Variants in AEBP2 observed in about 807,000 individuals in gnomAD.
AEBP2 encodes the protein zinc finger protein AEBP2.
Under a neutral mutation model 50.8 loss-of-function variants are expected in AEBP2, and 10 were observed. That is an observed-to-expected ratio of 0.20 (90% CI 0.12 to 0.33). The LOEUF is 0.33. Ranked by LOEUF, AEBP2 falls within the 10% of genes least tolerant of loss-of-function variation. AEBP2 has a pLI of 1.00. For missense variants in AEBP2, 570 were observed against 688.0 expected (o/e 0.83, Z 1.92); for synonymous variants, 296 against 261.3 (o/e 1.13, Z -1.28).
chr12:19,441,340 GGTTA>G (rs1346519605), intron 1 of AEBP2, among the ~76,000 whole-genome samples: 3 of 151,962 alleles, frequency 2.0e-5, no homozygotes, highest in Non-Finnish European at 4.4e-5. Context: ...GATCTGTTTG[GGTTA>G]GTTGGTTTTT....
chr12:19,468,926 A>G (rs1040861563), intron 2 of AEBP2, among the ~76,000 whole-genome samples: 3 of 152,128 alleles, frequency 2.0e-5, no homozygotes, highest in Non-Finnish European at 4.4e-5. Flanking sequence ...CAGTCCAAAA[A>G]TATATGTATG....
chr12:19,479,268 G>A lies in AEBP2; in HGVS notation c.987+5913G>A, dbSNP rs527858744. Among the ~76,000 whole-genome samples, 35 of 152,238 alleles carry A rather than the reference G, an allele frequency of 2.3e-4. No homozygotes were observed. The South Asian group carries it at 2.7e-3, about 12-fold the overall frequency. The stretch of plus-strand genomic sequence containing the variant: ...ACTTGTTAAGTTAATTTGTTACAGG[G>A]TGTAGTTTAAATCCATTATTTCTTT... On this transcript the variant is annotated intron_variant, in intron 3 of 7. Transcript: ENST00000266508.
upstream of AEBP2, among the ~76,000 whole-genome samples, chr12:19,439,353 G>A (rs1322018154): frequency 7.3e-6 from 1 of 136,498 alleles, no homozygotes; most frequent in African/African-American, 2.6e-5. Context: ...AGGCCCCGAG[G>A]AAACGCTGAG....
intron 1 of AEBP2, among the ~76,000 whole-genome samples, chr12:19,442,854 T>G (rs181747273): frequency 6.6e-6 from 1 of 152,168 alleles, no homozygotes; most frequent in Non-Finnish European, 1.5e-5. Context: ...CTAATTCTTA[T>G]AAATTACTGT....
intron 1 of AEBP2, among the ~76,000 whole-genome samples, chr12:19,425,057 A>G (rs1411193244): frequency 6.6e-6 from 1 of 152,116 alleles, no homozygotes; most frequent in East Asian, 1.9e-4. Context: ...CTTAAATAAG[A>G]TAGAGGTTTA....
rs1221751803 is a variant in AEBP2 at position 19,462,474 on chromosome 12, T to C, written c.672-36T>C. On this transcript the variant is annotated intron_variant, in intron 1 of 7. Transcript: ENST00000266508. Reference sequence around the variant, plus strand: ...AAGATCATATTCATGTTAGTGAATTTCTAGGAATAACACAGCCTTTTTTCT... The same window carrying C: ...AAGATCATATTCATGTTAGTGAATTCCTAGGAATAACACAGCCTTTTTTCT... 4.0e-6 allele frequency: 6 copies of C among 1,518,470 alleles called. No individual in the cohort carries two copies. The South Asian group carries it at 7.2e-5, about 18-fold the overall frequency. 94.1% of individuals were successfully genotyped at this position (1,518,470 alleles called of 1,614,324 possible).
intron 3 of AEBP2, among the ~76,000 whole-genome samples, chr12:19,490,910 A>G (rs1213290873): frequency 6.6e-6 from 1 of 152,244 alleles, no homozygotes; most frequent in African/African-American, 2.4e-5. Context: ...TGATTATACA[A>G]CATTGTGAAT....
intron 2 of AEBP2, among the ~76,000 whole-genome samples, chr12:19,465,787 TTTTC>T (rs1303122392): frequency 1.6e-5 from 2 of 125,644 alleles, no homozygotes; most frequent in Non-Finnish European, 3.2e-5. Flanking sequence ...TGTGATTGTT[TTTTC>T]TTTTTTTTTT....
intron 1 of AEBP2, among the ~76,000 whole-genome samples, chr12:19,459,939 T>C (rs1466684010): frequency 1.3e-5 from 2 of 152,144 alleles, no homozygotes; most frequent in African/African-American, 4.8e-5. Flanking sequence ...ATAGAAAAAT[T>C]AGCTCGGTGC....
intron 1 of AEBP2, among the ~76,000 whole-genome samples, chr12:19,419,372 G>A (rs945894710): frequency 1.1e-4 from 16 of 151,632 alleles, no homozygotes; most frequent in Non-Finnish European, 7.4e-5. Context: ...GGCGGATCAC[G>A]AGGTCAGGAA....
chr12:19,514,113 C>T (rs1344955003), intron 6 of AEBP2, among the ~76,000 whole-genome samples: 1 of 151,778 alleles, frequency 6.6e-6, no homozygotes, highest in Non-Finnish European at 1.5e-5. Context: ...GATTCTTGTG[C>T]CTCGTTCTCC....
At position 19,518,531 on chromosome 12, in the gene AEBP2, A is replaced by G. The variant is rs1460946448; in HGVS notation, c.*414A>G. On this transcript the variant is annotated 3_prime_UTR_variant, in exon 8 of 8. Coordinates refer to ENST00000266508, the MANE Select transcript of AEBP2 (RefSeq NM_153207.5). ...ATGTGCCCTTACAAATACCAAAAGC[A>G]CTGTAAGGATATTTGTCTTGACAGT... 3 of 1,278,952 alleles carry G rather than the reference A, an allele frequency of 2.3e-6. No individual in the cohort carries two copies. Among genetic ancestry groups the G allele is most frequent in the East Asian group, 3.0e-5 (1 of 33,840 alleles). 79.2% of individuals were successfully genotyped at this position (1,278,952 alleles called of 1,614,324 possible).
chr12:19,468,841 A>G (rs1222690504), intron 2 of AEBP2, among the ~76,000 whole-genome samples: 1 of 152,226 alleles, frequency 6.6e-6, no homozygotes, highest in Non-Finnish European at 1.5e-5. Flanking sequence ...CTCAACAGAA[A>G]GCCAAAACCT....
Position 19,415,469 on chromosome 12 carries a change from CA to C in AEBP2, c.-17+11254del, listed in dbSNP as rs959090515. ...ATACTTCTGTTACTAGTATCTTGAT[CA>C]TAGCAACACTTTGTAATTCACCTAC... On this transcript the variant is annotated intron_variant, in intron 1 of 3. Coordinates refer to the AEBP2 transcript ENST00000538425. Among the ~76,000 whole-genome samples, 3 of 147,376 alleles carry C rather than the reference CA, an allele frequency of 2.0e-5. No individual in the cohort carries two copies. In the Admixed American group the frequency reaches 2.1e-4, roughly 10 times the overall value.
At chr12:19,457,545 T>G in intron 1 of AEBP2, 1 of 1,482,874 alleles carries the variant, frequency 6.7e-7, no homozygotes, top group Non-Finnish European at 9.1e-7. Flanking sequence ...GGTTCTTTTG[T>G]TGATGCTACC....
At chr12:19,443,330 CA>C (rs977083269) in intron 1 of AEBP2, among the ~76,000 whole-genome samples, 3 of 151,336 alleles carry the variant, frequency 2.0e-5, no homozygotes, top group Non-Finnish European at 2.9e-5. Flanking sequence ...TCCTTGACCT[CA>C]AATGATCCTC....
chr12:19,494,006 AATCTGGTGTAT>A lies in AEBP2; in HGVS notation c.1174+21_1174+31del. On this transcript the variant is annotated intron_variant, in intron 4 of 7. Transcript: ENST00000266508. Reference sequence around the variant, plus strand: ...CATTACGTAAGTGTTACACTGAGAAAATCTGGTGTATTTCATGGTTTTAAAAGATATCTTAG... The same window carrying A: ...CATTACGTAAGTGTTACACTGAGAAATTCATGGTTTTAAAAGATATCTTAG... 6.6e-7 allele frequency: 1 copy of A among 1,518,948 alleles called. No homozygotes were observed. Among genetic ancestry groups the A allele is most frequent in the Non-Finnish European group, 8.9e-7 (1 of 1,126,076 alleles). 94.1% of individuals were successfully genotyped at this position (1,518,948 alleles called of 1,614,324 possible). A position where few individuals can be genotyped will look rare whatever the true frequency, so the allele number is the denominator to read the frequency against.
At position 19,500,175 on chromosome 12, in the gene AEBP2, A is replaced by G. The variant is rs1949046246; in HGVS notation, c.1253A>G (p.His418Arg). 6.3e-7 allele frequency: 1 copy of G among 1,595,734 alleles called. No homozygotes were observed. Among genetic ancestry groups the G allele is most frequent in the Admixed American group, 1.7e-5 (1 of 57,476 alleles). ...GCCATATGCTTTAACCTCTCAGCTC[A>G]TATAGAAAGTTTAGGGAAGGGACAC... ...HRAICFNLSA[H>R]IESLGKGHSV... The change falls in exon 5 of 8, where the codon CAT becomes CGT. Residue 418 changes from histidine to arginine, a missense_variant. This residue lies in a region of AEBP2 where 184 missense variants were observed against 351.2 expected (regional missense o/e 0.52). Coordinates refer to ENST00000266508, the MANE Select transcript of AEBP2 (RefSeq NM_153207.5).
At position 19,512,310 on chromosome 12, in the gene AEBP2, G is replaced by A. The variant is rs1387056375; in HGVS notation, c.1300-88G>A. 5.8e-6 allele frequency: 5 copies of A among 859,234 alleles called. No individual in the cohort carries two copies. In the East Asian group the frequency reaches 8.7e-5, roughly 15 times the overall value. The allele number at this position is 859,234 out of a possible 1,614,324, so 53.2% of individuals were successfully genotyped here. ...GCTGGGATTACAGGCATGAGCCATC[G>A]CGCCCAGCCCCAAAAGTGTTTTTTA... On this transcript the variant is annotated intron_variant, in intron 5 of 7. Coordinates refer to ENST00000266508, the MANE Select transcript of AEBP2 (RefSeq NM_153207.5).
Sources: allele counts gnomAD v4.1 joint callset (sites outside exome capture counted in the v4.1 genomes callset), GRCh38; gene constraint gnomAD v4.1.1; regional missense constraint gnomAD v4.1.1; transcripts MANE v1.5; gene names NCBI Gene and HGNC (gene_info 2026-07-23, HGNC 2026-07-21).